The following OR9Q1 variants were observed in gnomAD, a reference collection of about 807,000 sequenced individuals.
The protein encoded by OR9Q1 is olfactory receptor 9Q1.
For missense variants in OR9Q1, 374 were observed against 378.8 expected, an observed-to-expected ratio of 0.99 and a Z score of 0.11; for synonymous variants, 153 against 148.6, an observed-to-expected ratio of 1.03 and a Z score of -0.22.
chr11:58,179,984 C>T lies in OR9Q1; in HGVS notation c.540C>T (p.Asp180=), dbSNP rs1854646814. The change falls in exon 3 of 3, where the codon GAC becomes GAT. Residue 180 remains aspartate, a synonymous_variant. Coordinates refer to ENST00000335397, the MANE Select transcript of OR9Q1 (RefSeq NM_001005212.4). ...GTGAGATTGACTTTATTTTCTGTGA[C>T]CTCCCTCCTCTGTTAAAGTTGACCT... ...GTSEIDFIFC[D]LPPLLKLTCG... is the part of the protein sequence containing the mutation. 6.2e-7 allele frequency: 1 copy of T among 1,614,036 alleles called. No individual in the cohort carries two copies. The highest frequency in any genetic ancestry group is 1.1e-5 in the South Asian group (1 of 91,086).
chr11:58,024,515 C>T (rs954710488), intron 1 of OR9Q1, among the ~76,000 whole-genome samples: 4 of 152,196 alleles, frequency 2.6e-5, no homozygotes, highest in African/African-American at 9.7e-5. Flanking sequence ...CAAATAGCTA[C>T]AGGAACCAAG....
intron 2 of OR9Q1, among the ~76,000 whole-genome samples, chr11:58,173,230 C>T (rs866225681): frequency 6.6e-6 from 1 of 151,582 alleles, no homozygotes; most frequent in Middle Eastern, 3.4e-3. Flanking sequence ...TGGTGTACTG[C>T]ACCCATTAAC....
chr11:58,039,149 C>T (rs1853135494), intron 1 of OR9Q1, among the ~76,000 whole-genome samples: 1 of 152,080 alleles, frequency 6.6e-6, no homozygotes, highest in Admixed American at 6.5e-5. Flanking sequence ...ACCACCTCAC[C>T]CACCTAATTT....
At chr11:58,109,684 C>A in intron 2 of OR9Q1, 1 of 417,980 alleles carries the variant, frequency 2.4e-6, no homozygotes, top group South Asian at 1.8e-5. Context: ...GCTGGTTCAC[C>A]TGAAGAAGAT....
At chr11:58,027,545 T>G (rs1416620044) in intron 1 of OR9Q1, among the ~76,000 whole-genome samples, 1 of 152,102 alleles carries the variant, frequency 6.6e-6, no homozygotes, top group Non-Finnish European at 1.5e-5. Flanking sequence ...AAGCTTAAAC[T>G]ATTTAAATCT....
rs187043964 is a variant in OR9Q1, at chr11:58,085,930, G to A, written c.-15+29983G>A. ...GGTAGGAGGTTATAAAGCCCTGGTG[G>A]ATCCTAGGATGGTCTGAGTGGAGAC... On this transcript the variant is annotated intron_variant, in intron 2 of 2. Coordinates refer to ENST00000335397, the MANE Select transcript of OR9Q1 (RefSeq NM_001005212.4). Among the ~76,000 whole-genome samples, 430 of 151,872 alleles carry A rather than the reference G, an allele frequency of 2.8e-3. 2 individuals carry two copies. The highest frequency in any genetic ancestry group is 5.6e-3 in the Admixed American group (85 of 15,256).
intron 2 of OR9Q1, chr11:58,108,952 G>A (rs1288366831): frequency 2.5e-6 from 1 of 392,316 alleles, no homozygotes; most frequent in Non-Finnish European, 5.2e-6. Flanking sequence ...GGTGGAGAAG[G>A]TCTTGGCTTA....
intron 2 of OR9Q1, among the ~76,000 whole-genome samples, chr11:58,138,859 A>G (rs558667996): frequency 2.7e-4 from 41 of 152,320 alleles, no homozygotes; most frequent in Admixed American, 1.0e-3. Context: ...CATAGATTTC[A>G]AGAACTTATT....
At chr11:58,176,153 G>A in intron 2 of OR9Q1, among the ~76,000 whole-genome samples, 1 of 152,180 alleles carries the variant, frequency 6.6e-6, no homozygotes, top group East Asian at 1.9e-4. Context: ...TGCTTCCAAA[G>A]CACTCTTCTT....
intron 2 of OR9Q1, among the ~76,000 whole-genome samples, chr11:58,141,417 T>C (rs1391357940): frequency 6.6e-6 from 1 of 152,188 alleles, no homozygotes; most frequent in Non-Finnish European, 1.5e-5. Context: ...TATTGAGAGG[T>C]TTTAGCATGA....
chr11:58,072,192 A>T (rs1312893059), intron 2 of OR9Q1, among the ~76,000 whole-genome samples: 2 of 152,240 alleles, frequency 1.3e-5, no homozygotes, highest in Admixed American at 1.3e-4. Flanking sequence ...TACATACAAC[A>T]AAAACATCTA....
At position 58,027,600 on chromosome 11, in the gene OR9Q1, G is replaced by A. The variant is rs1273846184; in HGVS notation, c.-93+3496G>A. On this transcript the variant is annotated intron_variant, in intron 1 of 2. Coordinates refer to ENST00000335397, the MANE Select transcript of OR9Q1 (RefSeq NM_001005212.4). ...TGGGTAATCCCTGCTCCAGGAAGAA[G>A]TGAGTCGTTTTCTTCAGGGATCTAG... is the stretch of plus-strand genomic sequence containing the variant. Among the ~76,000 whole-genome samples the A allele has an allele frequency of 2.6e-5, 4 of 152,292 alleles. No individual in the cohort carries two copies. The East Asian group carries it at 7.7e-4, about 29-fold the overall frequency.
chr11:58,121,833 T>A (rs1854035454), intron 2 of OR9Q1, among the ~76,000 whole-genome samples: 1 of 152,220 alleles, frequency 6.6e-6, no homozygotes, highest in Non-Finnish European at 1.5e-5. Flanking sequence ...TCTACCTTCT[T>A]TCATACATTT....
chr11:58,129,420 A>G (rs978627836), intron 2 of OR9Q1, among the ~76,000 whole-genome samples: 3 of 152,126 alleles, frequency 2.0e-5, no homozygotes, highest in African/African-American at 7.2e-5. Flanking sequence ...TAAAACCTAC[A>G]TCAGATTCTG....
intron 2 of OR9Q1, chr11:58,078,707 C>T (rs958138092): frequency 1.6e-4 from 25 of 152,254 alleles, no homozygotes; most frequent in African/African-American, 5.5e-4. Flanking sequence ...TGAGGATGTC[C>T]TAGGCATATC....
intron 2 of OR9Q1, among the ~76,000 whole-genome samples, chr11:58,147,252 T>C (rs142292612): frequency 6.6e-6 from 1 of 152,280 alleles, no homozygotes; most frequent in African/African-American, 2.4e-5. Flanking sequence ...CACCTTTTCA[T>C]TGGTCCACTC....
chr11:58,053,852 C>T (rs995588915), intron 1 of OR9Q1, among the ~76,000 whole-genome samples: 1 of 151,758 alleles, frequency 6.6e-6, no homozygotes, highest in African/African-American at 2.4e-5. Flanking sequence ...ATTTCCCCAT[C>T]TCCTTCATCC....
At chr11:58,118,759 T>G (rs777147680) in intron 2 of OR9Q1, 2 of 1,614,110 alleles carry the variant, frequency 1.2e-6, no homozygotes, top group Non-Finnish European at 1.7e-6. Context: ...ACCTGAAGAC[T>G]TCACTTTCAA....
intron 2 of OR9Q1, among the ~76,000 whole-genome samples, chr11:58,062,932 T>A (rs973879301): frequency 6.6e-6 from 1 of 152,132 alleles, no homozygotes; most frequent in African/African-American, 2.4e-5. Flanking sequence ...TTGAGAGCCA[T>A]GTGGGTGCCC....
Sources: gnomAD v4.1 joint callset for allele counts (sites outside exome capture counted in the v4.1 genomes callset) on GRCh38, gnomAD v4.1.1 for gene constraint, MANE v1.5 for transcripts, NCBI Gene and HGNC (gene_info 2026-07-23, HGNC 2026-07-21) for gene names.